The following COL22A1 variants were observed in gnomAD, a reference collection of about 807,000 sequenced individuals.
The protein encoded by COL22A1 is collagen type XXII alpha 1 chain, also known as collagen alpha-1(XXII) chain.
In COL22A1, 221 loss-of-function variants were observed where a neutral mutation model predicts 248.9. The ratio of observed to expected loss-of-function variants is 0.89; its 90% CI spans 0.80 to 0.99. The LOEUF (loss-of-function observed/expected upper bound fraction) is 0.99, where lower values mean the gene tolerates loss of function less well. Ranked by LOEUF, COL22A1 falls within the 50% of genes least tolerant of loss-of-function variation. COL22A1 has a pLI of 0.00. For synonymous variants in COL22A1, 891 were observed against 793.4 expected (o/e 1.12, Z -2.07); for missense variants, 2,240 against 2,179.0 (o/e 1.03, Z -0.56).
intron 44 of COL22A1, among the ~76,000 whole-genome samples, 178 bp downstream of exon 44, chr8:138,660,258 C>T (rs957540587): frequency 2.0e-5 from 3 of 152,250 alleles, no homozygotes; most frequent in Non-Finnish European, 4.4e-5. Flanking sequence ...ATGGTGGTAA[C>T]GACTTCCCAC....
At chr8:138,847,559 G>T (rs1019538542) in intron 3 of COL22A1, among the ~76,000 whole-genome samples, 1 of 152,162 alleles carries the variant, frequency 6.6e-6, no homozygotes, top group Non-Finnish European at 1.5e-5. Context: ...GCTAGGGATG[G>T]ATGTGTGATT....
chr8:138,856,582 C>G (rs1462205561), intron 3 of COL22A1, among the ~76,000 whole-genome samples: 3 of 140,040 alleles, frequency 2.1e-5, no homozygotes, highest in East Asian at 4.1e-4. Flanking sequence ...GAGAGAGAGA[C>G]AGAGGCAGTG....
intron 59 of COL22A1, among the ~76,000 whole-genome samples, chr8:138,603,628 A>C (rs903840500): frequency 3.9e-5 from 6 of 152,184 alleles, no homozygotes; most frequent in African/African-American, 1.4e-4. Context: ...AGCCCTCAGA[A>C]ATGGGAGCTA....
At chr8:138,818,225 G>A (rs1170352545) in intron 7 of COL22A1, among the ~76,000 whole-genome samples, 2 of 152,090 alleles carry the variant, frequency 1.3e-5, no homozygotes, top group Admixed American at 1.3e-4. Flanking sequence ...TCTGCTTCAG[G>A]GACTGTTATT....
chr8:138,656,308 T>C (rs975740203), intron 44 of COL22A1, among the ~76,000 whole-genome samples: 2 of 152,196 alleles, frequency 1.3e-5, no homozygotes, highest in South Asian at 2.1e-4. Flanking sequence ...CTGTTTGCAA[T>C]CTGGATTGTC....
At chr8:138,645,673 G>C (rs892673896) in intron 47 of COL22A1, among the ~76,000 whole-genome samples, 4 of 152,176 alleles carry the variant, frequency 2.6e-5, no homozygotes, top group Non-Finnish European at 5.9e-5. Flanking sequence ...CAAAAGGCCA[G>C]AAAGGTTAAG....
At chr8:138,684,304 C>T (rs570269767) in intron 39 of COL22A1, 121 bp downstream of exon 39, 627 of 772,136 alleles carry the variant, frequency 8.1e-4, no homozygotes, top group Non-Finnish European at 1.2e-3. Context: ...AAATGGAACA[C>T]GATGAGCTGA....
intron 3 of COL22A1, among the ~76,000 whole-genome samples, chr8:138,868,406 G>C (rs1408481824): frequency 6.6e-6 from 1 of 152,092 alleles, no homozygotes; most frequent in Non-Finnish European, 1.5e-5. Flanking sequence ...CAGCATACAG[G>C]GGTATATAAT....
chr8:138,758,526 T>C (rs760527185), intron 18 of COL22A1, among the ~76,000 whole-genome samples: 83 of 152,238 alleles, frequency 5.5e-4, no homozygotes, highest in Admixed American at 1.3e-3. Flanking sequence ...GATAATATGA[T>C]AGGCCTTGGT....
intron 4 of COL22A1, among the ~76,000 whole-genome samples, chr8:138,835,133 GA>G (rs974232431): frequency 6.6e-6 from 1 of 152,184 alleles, no homozygotes; most frequent in African/African-American, 2.4e-5. Flanking sequence ...GTTGCTCTGG[GA>G]TTGAAACCCT....
chr8:138,901,722 G>A (rs945743539), intron 1 of COL22A1, among the ~76,000 whole-genome samples: 4 of 152,094 alleles, frequency 2.6e-5, no homozygotes, highest in South Asian at 4.2e-4. Flanking sequence ...AAATATGATC[G>A]TTAAGACTCA....
rs1832883400 is a variant in COL22A1 at position 138,755,075 on chromosome 8, G to A, written c.2031+82C>T. Reference sequence around the variant, plus strand: ...CGCTTGAGATAATGCCATGCTCAGCGCCGGGAATGACTCTGATCTTCCAAA... The same window carrying A: ...CGCTTGAGATAATGCCATGCTCAGCACCGGGAATGACTCTGATCTTCCAAA... On this transcript the variant is annotated intron_variant, in intron 21 of 64. Coordinates refer to ENST00000303045, the MANE Select transcript of COL22A1 (RefSeq NM_152888.3). The A allele has an allele frequency of 2.2e-5, 30 of 1,393,580 alleles. No individual in the cohort carries two copies. The Admixed American group carries it at 2.4e-4, about 11-fold the overall frequency. The allele number at this position is 1,393,580 out of a possible 1,614,324, so 86.3% of individuals were successfully genotyped here.
chr8:138,755,827 A>G lies in COL22A1; in HGVS notation c.1905T>C (p.Gly635=). 1 of 1,613,860 alleles carries G rather than the reference A, an allele frequency of 6.2e-7. No homozygotes were observed. The highest frequency in any genetic ancestry group is 8.5e-7 in the Non-Finnish European group (1 of 1,179,880). Residue 635 remains glycine (G), a splice_region_variant and synonymous_variant, in exon 19 of 65, where the codon GGT becomes GGC. Coordinates refer to ENST00000303045, the MANE Select transcript of COL22A1 (RefSeq NM_152888.3). ...CAGGTGGCCCCGCAGGTCCCACGTC[A>G]CCCTGCACAGAAACGACAAACATTT... The part of the protein sequence containing the change: ...SGVAGPQGEK[G]DVGPAGPPGV...
rs1483380493 is a variant in COL22A1, at chr8:138,833,169, T to C, written c.734-19A>G. The C allele has an allele frequency of 2.6e-6, 4 of 1,545,180 alleles. No homozygotes were observed. The highest frequency in any genetic ancestry group is 2.7e-5 in the African/African-American group (2 of 73,622). ...TCAAAACCTGTACAAAGAGAAGAGC[T>C]GGGAGTGAGTTTGGAGAAGGAAGAG... is the stretch of plus-strand genomic sequence containing the variant. On this transcript the variant is annotated intron_variant, in intron 4 of 64. Transcript: ENST00000303045.
At chr8:138,746,010 G>A (rs1832072750) in intron 22 of COL22A1, among the ~76,000 whole-genome samples, 1 of 152,250 alleles carries the variant, frequency 6.6e-6, no homozygotes, top group South Asian at 2.1e-4. Flanking sequence ...AAGCAGGCAG[G>A]CGGGCAGGTG....
chr8:138,645,250 A>C (rs897479645), intron 47 of COL22A1, among the ~76,000 whole-genome samples: 1 of 152,136 alleles, frequency 6.6e-6, no homozygotes, highest in African/African-American at 2.4e-5. Context: ...CAGCCAGAGG[A>C]CCACTCAGAA....
chr8:138,619,417 C>T (rs1215917837), intron 53 of COL22A1, 38 bp downstream of exon 53: 13 of 1,602,916 alleles, frequency 8.1e-6, no homozygotes, highest in Non-Finnish European at 1.1e-5. Context: ...AGCTGATGGG[C>T]TTGGTTCTAC....
chr8:138,752,361 T>A (rs937044469), intron 21 of COL22A1, among the ~76,000 whole-genome samples: 6 of 152,266 alleles, frequency 3.9e-5, no homozygotes, highest in African/African-American at 1.4e-4. Context: ...TTCATAATTA[T>A]CATACTAATA....
chr8:138,768,649 C>T (rs1359652061), intron 16 of COL22A1, among the ~76,000 whole-genome samples: 2 of 152,156 alleles, frequency 1.3e-5, no homozygotes, highest in East Asian at 3.9e-4. Flanking sequence ...GTAAAGAACG[C>T]CATTATGGCC....
Sources: gnomAD v4.1 joint callset for allele counts (sites outside exome capture counted in the v4.1 genomes callset) on GRCh38, gnomAD v4.1.1 for gene constraint, MANE v1.5 for transcripts, NCBI Gene and HGNC (gene_info 2026-07-23, HGNC 2026-07-21) for gene names.